NCOA2: variants seen among roughly 807,000 people sequenced by gnomAD.
The protein encoded by NCOA2 is class E basic helix-loop-helix protein 75.
NCOA2 carries 21 observed loss-of-function variants against 145.1 expected under a neutral mutation model. That is an observed-to-expected ratio of 0.14 (90% CI 0.10 to 0.21). The LOEUF (loss-of-function observed/expected upper bound fraction) is 0.21, where lower values mean the gene tolerates loss of function less well. Among genes scored for constraint, NCOA2 ranks in the 10% least tolerant of loss-of-function variants. The pLI is 1.00. For missense variants in NCOA2, 1,472 were observed against 1,837.6 expected (o/e 0.80, Z 3.64); for synonymous variants, 619 against 637.5 (o/e 0.97, Z 0.44).
chr8:70,185,014 C>T (rs1815900383), intron 4 of NCOA2, among the ~76,000 whole-genome samples: 1 of 152,200 alleles, frequency 6.6e-6, no homozygotes, highest in South Asian at 2.1e-4. Flanking sequence ...GACCTGCTTG[C>T]ATTTCTCTCC....
At chr8:70,341,536 A>C (rs918155704) in intron 1 of NCOA2, among the ~76,000 whole-genome samples, 4 of 152,230 alleles carry the variant, frequency 2.6e-5, no homozygotes, top group Non-Finnish European at 4.4e-5. Context: ...CACACAGTTT[A>C]ATTGTCCATA....
intron 1 of NCOA2, among the ~76,000 whole-genome samples, chr8:70,365,687 T>A (rs1810627219): frequency 6.6e-6 from 1 of 152,228 alleles, no homozygotes; most frequent in African/African-American, 2.4e-5. Context: ...AAATGCCTTA[T>A]AAGTGTTCCA....
chr8:70,116,546 C>CAA (rs1388175596), intron 22 of NCOA2, among the ~76,000 whole-genome samples: 95 of 130,772 alleles, frequency 7.3e-4, no homozygotes, highest in African/African-American at 2.6e-3. Context: ...GAGTCCGTCT[C>CAA]AAAAAAAAAA....
intron 1 of NCOA2, among the ~76,000 whole-genome samples, chr8:70,332,317 C>T (rs1807184138): frequency 1.3e-5 from 2 of 152,164 alleles, no homozygotes; most frequent in African/African-American, 4.8e-5. Flanking sequence ...AAAATGGCTA[C>T]ATTTGTAAGC....
intron 1 of NCOA2, among the ~76,000 whole-genome samples, chr8:70,336,522 G>C (rs1014723156): frequency 1.3e-5 from 2 of 152,058 alleles, no homozygotes; most frequent in African/African-American, 2.4e-5. Flanking sequence ...GTTCCTCATG[G>C]GGAGGCCTCA....
intron 12 of NCOA2, among the ~76,000 whole-genome samples, chr8:70,146,402 CTT>C (rs1333294463): frequency 6.6e-6 from 1 of 152,120 alleles, no homozygotes; most frequent in Non-Finnish European, 1.5e-5. Flanking sequence ...ATTATAGTAA[CTT>C]ATTACATAAC....
chr8:70,386,531 C>T (rs1812679616), intron 1 of NCOA2, among the ~76,000 whole-genome samples: 2 of 151,500 alleles, frequency 1.3e-5, no homozygotes. Context: ...CCAAAAAATA[C>T]ATGTCATCGT....
At chr8:70,151,285 A>G (rs1043899341) in intron 11 of NCOA2, among the ~76,000 whole-genome samples, 2 of 150,720 alleles carry the variant, frequency 1.3e-5, no homozygotes, top group Non-Finnish European at 3.0e-5. Flanking sequence ...CTAGACTCAC[A>G]CTTTTCCTTT....
intron 9 of NCOA2, among the ~76,000 whole-genome samples, chr8:70,160,682 G>GAGAGAGAGAGAGAGAGAGAGAGAGA (rs371258460): frequency 5.1e-5 from 3 of 58,360 alleles, no homozygotes; most frequent in African/African-American, 1.3e-4. Context: ...AGAGAGAGAG[G>GAGAGAGAGAGAGAGAGAGAGAGAGA]GAGAGAGAGA....
intron 1 of NCOA2, among the ~76,000 whole-genome samples, chr8:70,339,003 C>T (rs1368771366): frequency 2.0e-5 from 3 of 151,736 alleles, no homozygotes; most frequent in Non-Finnish European, 4.4e-5. Flanking sequence ...ATACTGGAAG[C>T]ATTTCCCTTG....
chr8:70,176,154 T>C (rs1814815691), intron 4 of NCOA2, among the ~76,000 whole-genome samples: 2 of 152,200 alleles, frequency 1.3e-5, no homozygotes, highest in Admixed American at 1.3e-4. Flanking sequence ...TCTTTAAAAA[T>C]ACAAAGAAGT....
intron 2 of NCOA2, among the ~76,000 whole-genome samples, chr8:70,229,016 C>A (rs1820908325): frequency 1.3e-5 from 2 of 152,080 alleles, no homozygotes; most frequent in South Asian, 4.1e-4. Context: ...GTTTCTGAAC[C>A]AAGAGCAGTG....
intron 22 of NCOA2, among the ~76,000 whole-genome samples, chr8:70,113,911 A>G (rs1806794766): frequency 6.6e-6 from 1 of 152,090 alleles, no homozygotes; most frequent in Non-Finnish European, 1.5e-5. Context: ...TGGATGATGA[A>G]TCTCTCCTTA....
rs1563519102 is a variant in NCOA2, at chr8:70,145,334, T to TC, written c.2606-487_2606-486insG. Among the ~76,000 whole-genome samples, 9 of 151,736 alleles carry TC rather than the reference T, an allele frequency of 5.9e-5. No individual in the cohort carries two copies. The East Asian group carries it at 7.7e-4, about 13-fold the overall frequency. On this transcript the variant is annotated intron_variant, in intron 12 of 22. Transcript: ENST00000452400. Reference sequence around the variant, plus strand: ...TACCATGCCCGGCTAATTTTTTCTTTTTTTTTTTTGAGACGGAGTCTCGCT... The same window carrying TC: ...TACCATGCCCGGCTAATTTTTTCTTTCTTTTTTTTTGAGACGGAGTCTCGCT...
intron 2 of NCOA2, among the ~76,000 whole-genome samples, chr8:70,252,278 G>A (rs954440289): frequency 5.9e-5 from 9 of 152,162 alleles, no homozygotes; most frequent in African/African-American, 2.2e-4. Context: ...TACTACTTAA[G>A]TAGTGGTAGT....
At chr8:70,224,156 G>A (rs1042993866) in intron 2 of NCOA2, among the ~76,000 whole-genome samples, 2 of 152,272 alleles carry the variant, frequency 1.3e-5, no homozygotes, top group Admixed American at 1.3e-4. Context: ...CAGAAAAGAT[G>A]TCATGCTCAG....
At chr8:70,290,016 A>G (rs547914553) in intron 2 of NCOA2, among the ~76,000 whole-genome samples, 2 of 151,916 alleles carry the variant, frequency 1.3e-5, no homozygotes, top group South Asian at 4.2e-4. Flanking sequence ...ACCCCTACGT[A>G]TACTTCTTAC....
At chr8:70,261,856 G>A (rs868059288) in intron 2 of NCOA2, among the ~76,000 whole-genome samples, 8 of 151,838 alleles carry the variant, frequency 5.3e-5, no homozygotes, top group African/African-American at 1.5e-4. Flanking sequence ...CTTATATGAC[G>A]ATATGCTTTT....
chr8:70,320,312 T>C (rs1805942076), intron 1 of NCOA2, among the ~76,000 whole-genome samples: 1 of 152,186 alleles, frequency 6.6e-6, no homozygotes, highest in South Asian at 2.1e-4. Context: ...AGTGCTCATC[T>C]ACAAAATGCT....
Sources: allele counts gnomAD v4.1 joint callset (sites outside exome capture counted in the v4.1 genomes callset), GRCh38; gene constraint gnomAD v4.1.1; transcripts MANE v1.5; gene names NCBI Gene and HGNC (gene_info 2026-07-23, HGNC 2026-07-21).